The following RALYL variants were observed in gnomAD, a reference collection of about 807,000 sequenced individuals.
RALYL encodes RALY RNA binding protein like, also known as RNA-binding Raly-like protein.
In RALYL, 29 loss-of-function variants were observed where a neutral mutation model predicts 35.1. That is an observed-to-expected ratio of 0.83 (90% confidence interval 0.61 to 1.13). The LOEUF (loss-of-function observed/expected upper bound fraction) is 1.13, where lower values mean the gene tolerates loss of function less well. Ranked by LOEUF, RALYL falls within the 50% of genes most tolerant of loss-of-function variation. The pLI, the probability that RALYL is intolerant of heterozygous loss-of-function variation, is 0.00. For missense variants in RALYL, 359 were observed against 360.4 expected (o/e 1.00, Z 0.03); for synonymous variants, 120 against 127.6 (o/e 0.94, Z 0.40).
intron 1 of RALYL, among the ~76,000 whole-genome samples, chr8:84,293,950 A>G (rs1027011382): frequency 6.6e-6 from 1 of 152,070 alleles, no homozygotes; most frequent in African/African-American, 2.4e-5. Context: ...TGTGATACCA[A>G]AACAACCTGT....
chr8:84,398,981 A>C (rs2042620711), intron 1 of RALYL, among the ~76,000 whole-genome samples: 2 of 151,378 alleles, frequency 1.3e-5, no homozygotes, highest in African/African-American at 4.9e-5. Context: ...CTCAAAAAAA[A>C]AAAAAAAAAA....
chr8:84,419,937 G>C (rs2045292689), intron 1 of RALYL, among the ~76,000 whole-genome samples: 3 of 151,154 alleles, frequency 2.0e-5, no homozygotes, highest in Admixed American at 6.6e-5. Context: ...TCTTAATCCA[G>C]TCTATCATTG....
At chr8:84,754,765 T>C (rs1563527736) in intron 2 of RALYL, among the ~76,000 whole-genome samples, 1 of 152,168 alleles carries the variant, frequency 6.6e-6, no homozygotes, top group Admixed American at 6.5e-5. Context: ...GGAGGAATGA[T>C]TACTGATAGA....
chr8:84,610,622 G>C (rs558395295), intron 2 of RALYL, among the ~76,000 whole-genome samples: 1 of 152,186 alleles, frequency 6.6e-6, no homozygotes, highest in Non-Finnish European at 1.5e-5. Context: ...CATTCAAAAA[G>C]AGTGAGTAGT....
chr8:84,865,313 T>G (rs960884200), intron 6 of RALYL, among the ~76,000 whole-genome samples: 1 of 152,210 alleles, frequency 6.6e-6, no homozygotes, highest in African/African-American at 2.4e-5. Context: ...GCTTGCTCTT[T>G]AATTAATAGC....
chr8:84,440,918 AT>A (rs2048263098), intron 1 of RALYL, among the ~76,000 whole-genome samples: 1 of 151,986 alleles, frequency 6.6e-6, no homozygotes, highest in African/African-American at 2.4e-5. Flanking sequence ...GGTTAAGTGT[AT>A]GTTTAATAAT....
intron 2 of RALYL, among the ~76,000 whole-genome samples, chr8:84,557,893 T>C (rs185689646): frequency 1.3e-5 from 2 of 152,252 alleles, no homozygotes; most frequent in Admixed American, 1.3e-4. Flanking sequence ...ATGCAGTCAT[T>C]AGGAGCATTA....
At chr8:84,767,035 T>C (rs1814263646) in intron 2 of RALYL, among the ~76,000 whole-genome samples, 1 of 152,076 alleles carries the variant, frequency 6.6e-6, no homozygotes, top group Non-Finnish European at 1.5e-5. Context: ...GAGAGTCACA[T>C]CTATTTGGGT....
Position 84,580,171 on chromosome 8 carries a change from C to T in RALYL, c.256+50594C>T, listed in dbSNP as rs1014083584. Among the ~76,000 whole-genome samples the T allele has an allele frequency of 5.3e-5, 8 of 152,238 alleles. No homozygotes were observed. In the East Asian group the frequency reaches 1.5e-3, roughly 29 times the overall value. On this transcript the variant is annotated intron_variant, in intron 2 of 8. Coordinates refer to ENST00000521268, the MANE Select transcript of RALYL (RefSeq NM_173848.7). ...ATTGGGATAGTTTTTATCTTCATTC[C>T]ATTCATTTATTCATTATGTGCATGG... is the stretch of plus-strand genomic sequence containing the variant.
chr8:84,416,939 A>G (rs73304395), intron 1 of RALYL, among the ~76,000 whole-genome samples: 4,464 of 152,228 alleles, frequency 0.029, 215 homozygotes, highest in African/African-American at 0.1. Context: ...TATAGGGAAA[A>G]TAAGCTACCA....
At chr8:84,901,167 T>G (rs1274508958) in intron 8 of RALYL, among the ~76,000 whole-genome samples, 1 of 152,180 alleles carries the variant, frequency 6.6e-6, no homozygotes, top group Admixed American at 6.6e-5. Context: ...GGAAGATTTA[T>G]ATCTCCAAGG....
At chr8:84,372,271 G>A (rs1214229857) in intron 1 of RALYL, among the ~76,000 whole-genome samples, 1 of 151,970 alleles carries the variant, frequency 6.6e-6, no homozygotes, top group Non-Finnish European at 1.5e-5. Flanking sequence ...GCAGAAAAAA[G>A]GGCAGGTATT....
At chr8:84,423,665 C>T (rs956555222) in intron 1 of RALYL, among the ~76,000 whole-genome samples, 1 of 151,784 alleles carries the variant, frequency 6.6e-6, no homozygotes, top group African/African-American at 2.4e-5. Context: ...TACATTTTGG[C>T]ATGGTTTTGC....
At chr8:84,232,885 G>C (rs576053639) in intron 1 of RALYL, among the ~76,000 whole-genome samples, 1 of 152,182 alleles carries the variant, frequency 6.6e-6, no homozygotes, top group African/African-American at 2.4e-5. Context: ...GCCATTAAAA[G>C]TGGTATAGTA....
intron 1 of RALYL, among the ~76,000 whole-genome samples, chr8:84,507,079 A>G (rs983444025): frequency 1.3e-5 from 2 of 152,062 alleles, no homozygotes; most frequent in Admixed American, 6.6e-5. Flanking sequence ...TAAATTGACA[A>G]TAGTAGAGTT....
intron 8 of RALYL, among the ~76,000 whole-genome samples, chr8:84,889,849 C>G (rs535150888): frequency 6.6e-6 from 1 of 152,218 alleles, no homozygotes; most frequent in Non-Finnish European, 1.5e-5. Context: ...TGGCCCCCAC[C>G]TTTATCCTTG....
intron 4 of RALYL, among the ~76,000 whole-genome samples, chr8:84,815,898 G>A (rs1442613388): frequency 6.6e-6 from 1 of 151,854 alleles, no homozygotes; most frequent in Non-Finnish European, 1.5e-5. Context: ...GCTGGACGTG[G>A]TGGTGTACAC....
chr8:84,285,300 T>G (rs1015153784), intron 1 of RALYL, among the ~76,000 whole-genome samples: 4 of 152,244 alleles, frequency 2.6e-5, no homozygotes, highest in Non-Finnish European at 5.9e-5. Flanking sequence ...AAAAGTCATT[T>G]AAGTATATAT....
chr8:84,282,297 G>A (rs1046109715), intron 1 of RALYL, among the ~76,000 whole-genome samples: 3 of 151,396 alleles, frequency 2.0e-5, no homozygotes, highest in African/African-American at 7.2e-5. Flanking sequence ...TCACTAGATT[G>A]TAAGTTCCAC....
Sources: gnomAD v4.1 joint callset for allele counts (sites outside exome capture counted in the v4.1 genomes callset) on GRCh38, gnomAD v4.1.1 for gene constraint, MANE v1.5 for transcripts, NCBI Gene and HGNC (gene_info 2026-07-23, HGNC 2026-07-21) for gene names.